Variants in RGS7 observed in about 807,000 individuals in gnomAD.
RGS7 encodes the protein regulator of G-protein signaling 7.
RGS7 carries 27 observed loss-of-function variants against 81.1 expected under a neutral mutation model. The observed-to-expected ratio is 0.33, with a 90% CI of 0.25 to 0.46. The LOEUF is 0.46. Among genes scored for constraint, RGS7 ranks in the 20% least tolerant of loss-of-function variants. The probability of loss-of-function intolerance (pLI) is 1.00; values close to 1 mark genes in which losing one functional copy is unlikely to be tolerated. For synonymous variants in RGS7, 208 were observed against 207.7 expected (o/e 1.00, Z -0.01); for missense variants, 396 against 607.4 (o/e 0.65, Z 3.66).
Position 240,902,364 on chromosome 1 carries a change from A to G in RGS7, c.385+28353T>C, listed in dbSNP as rs376845176. Among the ~76,000 whole-genome samples the G allele has an allele frequency of 5.7e-3, 869 of 152,330 alleles. 11 individuals carry two copies. Among genetic ancestry groups the G allele is most frequent in the African/African-American group, 0.02 (822 of 41,576 alleles). On this transcript the variant is annotated intron_variant, in intron 6 of 18. Transcript: ENST00000440928. ...TATTTTGCCAAGATGATGAAATAAA[A>G]TGTTAACTTAAAATAAATATATTTT...
At chr1:240,923,149 G>A (rs530434652) in intron 6 of RGS7, among the ~76,000 whole-genome samples, 1 of 152,144 alleles carries the variant, frequency 6.6e-6, no homozygotes, top group Admixed American at 6.5e-5. Flanking sequence ...TAAAACTATG[G>A]AGACAGTGAA....
chr1:241,078,269 C>T (rs1234575767), intron 3 of RGS7, among the ~76,000 whole-genome samples: 1 of 144,830 alleles, frequency 6.9e-6, no homozygotes, highest in Non-Finnish European at 1.5e-5. Flanking sequence ...AAACATATAA[C>T]ATATTTTTCC....
chr1:240,966,626 C>A (rs1234015823), intron 4 of RGS7, among the ~76,000 whole-genome samples: 3 of 152,132 alleles, frequency 2.0e-5, no homozygotes, highest in African/African-American at 7.2e-5. Context: ...TGATTCAGAA[C>A]CTGTAGAACA....
intron 3 of RGS7, among the ~76,000 whole-genome samples, chr1:241,069,082 C>G (rs537102464): frequency 2.8e-4 from 43 of 152,262 alleles, no homozygotes; most frequent in Non-Finnish European, 4.3e-4. Flanking sequence ...TCCTCTACAG[C>G]CTGCAGAACC....
intron 18 of RGS7, among the ~76,000 whole-genome samples, chr1:240,780,761 A>C (rs544911380): frequency 6.6e-6 from 1 of 151,864 alleles, no homozygotes; most frequent in East Asian, 2.0e-4. Context: ...TAAAAATACA[A>C]AAATTAGCTG....
intron 18 of RGS7, among the ~76,000 whole-genome samples, chr1:240,788,193 ATCTTTT>A (rs1685387054): frequency 1.3e-5 from 2 of 152,362 alleles, no homozygotes; most frequent in South Asian, 4.1e-4. Flanking sequence ...TCACAGAAGT[ATCTTTT>A]TCTTTTTATA....
chr1:240,843,717 A>T (rs1164316610), intron 9 of RGS7, among the ~76,000 whole-genome samples: 1 of 152,176 alleles, frequency 6.6e-6, no homozygotes, highest in Non-Finnish European at 1.5e-5. Context: ...TTGAGAGAGG[A>T]TTTGCTATCT....
At chr1:240,812,440 T>TTC (rs1690018550) in intron 13 of RGS7, among the ~76,000 whole-genome samples, 1 of 150,138 alleles carries the variant, frequency 6.7e-6, no homozygotes, top group Non-Finnish European at 1.5e-5. Context: ...CTTTTTTCTT[T>TTC]TTTTTTTTTT....
At chr1:241,034,283 C>T (rs610050) in intron 3 of RGS7, among the ~76,000 whole-genome samples, 70,051 of 152,002 alleles carry the variant, frequency 0.46, 17,170 homozygotes, top group African/African-American at 0.62. Flanking sequence ...CCCATTCATA[C>T]GCTTATATTT....
intron 3 of RGS7, among the ~76,000 whole-genome samples, chr1:241,003,535 C>G (rs1017906016): frequency 6.6e-6 from 1 of 151,880 alleles, no homozygotes; most frequent in Non-Finnish European, 1.5e-5. Flanking sequence ...TGAGCACTTC[C>G]CTAAGTGCCA....
intron 3 of RGS7, among the ~76,000 whole-genome samples, chr1:241,043,240 T>G (rs1254437950): frequency 6.6e-6 from 1 of 152,152 alleles, no homozygotes; most frequent in Non-Finnish European, 1.5e-5. Context: ...TATTTTCTTT[T>G]TATATGAGCT....
intron 3 of RGS7, among the ~76,000 whole-genome samples, chr1:241,059,784 T>C (rs896199273): frequency 4.0e-5 from 6 of 150,600 alleles, no homozygotes; most frequent in Non-Finnish European, 8.8e-5. Context: ...TGAACATCTA[T>C]TGGATAGCAC....
At chr1:241,119,963 C>T (rs1031530661) in intron 2 of RGS7, among the ~76,000 whole-genome samples, 4 of 152,358 alleles carry the variant, frequency 2.6e-5, no homozygotes, top group South Asian at 4.1e-4. Context: ...TTGTATGCAG[C>T]GCCTTGATCT....
chr1:241,050,290 T>A (rs1192309387), intron 3 of RGS7, among the ~76,000 whole-genome samples: 1 of 152,052 alleles, frequency 6.6e-6, no homozygotes, highest in African/African-American at 2.4e-5. Flanking sequence ...GAATAGAGCT[T>A]GGGCATGCAG....
intron 3 of RGS7, among the ~76,000 whole-genome samples, chr1:241,078,624 T>G (rs1346344259): frequency 4.5e-4 from 68 of 152,034 alleles, no homozygotes; most frequent in Admixed American, 4.5e-3. Flanking sequence ...ATATATTAGA[T>G]TAACCAAGAT....
intron 9 of RGS7, among the ~76,000 whole-genome samples, chr1:240,859,835 T>C (rs1032850414): frequency 1.1e-4 from 16 of 152,202 alleles, no homozygotes; most frequent in Admixed American, 3.3e-4. Flanking sequence ...TTCTAGTACA[T>C]GTACTCAATG....
In RGS7 at chr1:241,222,642, TA is replaced by T. The variant is rs554819901; in HGVS notation, c.79-123881del. On this transcript the variant is annotated intron_variant, in intron 2 of 18. Coordinates refer to ENST00000440928, the MANE Select transcript of RGS7 (RefSeq NM_001364886.1). Reference sequence around the variant, plus strand: ...TTACTACCTTGCTAAATTCTCACAATAAAACTCTTCCATAAATATTATGATT... The same window carrying T: ...TTACTACCTTGCTAAATTCTCACAATAAACTCTTCCATAAATATTATGATT... Among the ~76,000 whole-genome samples, 89 of 152,268 alleles carry T rather than the reference TA, an allele frequency of 5.8e-4. No homozygotes were observed. The Middle Eastern group carries it at 0.014, about 23-fold the overall frequency.
rs1043826920 is a variant in RGS7, at chr1:241,270,761, C to CTTT, written c.78+84935_78+84937dup. Among the ~76,000 whole-genome samples the CTTT allele has an allele frequency of 9.2e-4, 137 of 148,896 alleles. 1 individual carries two copies. Among genetic ancestry groups the CTTT allele is most frequent in the East Asian group, 1.2e-3 (6 of 5,042 alleles). Reference sequence around the variant, plus strand: ...TGTTCATAGAAATAAACCCCCCCCCCTTTTTTTTTTTCTTGAGACGGAGTC... The same window carrying CTTT: ...TGTTCATAGAAATAAACCCCCCCCCCTTTTTTTTTTTTTTCTTGAGACGGAGTC... On this transcript the variant is annotated intron_variant, in intron 2 of 18. Coordinates refer to ENST00000440928, the MANE Select transcript of RGS7 (RefSeq NM_001364886.1).
chr1:241,185,539 AT>A (rs35634025), intron 2 of RGS7, among the ~76,000 whole-genome samples: 2 of 152,254 alleles, frequency 1.3e-5, no homozygotes, highest in Admixed American at 6.5e-5. Context: ...CAGAATATAC[AT>A]TTTTTTCAAG....
Sources: gnomAD v4.1 joint callset for allele counts (sites outside exome capture counted in the v4.1 genomes callset) on GRCh38, gnomAD v4.1.1 for gene constraint, MANE v1.5 for transcripts, NCBI Gene and HGNC (gene_info 2026-07-23, HGNC 2026-07-21) for gene names.